EPB41L4B: variants seen among roughly 807,000 people sequenced by gnomAD.
The protein encoded by EPB41L4B is erythrocyte membrane protein band 4.1 like 4B.
EPB41L4B carries 30 observed loss-of-function variants against 112.5 expected under a neutral mutation model. The observed-to-expected ratio is 0.27, with a 90% CI of 0.20 to 0.36. The LOEUF is 0.36. Ranked by LOEUF, EPB41L4B falls within the 10% of genes least tolerant of loss-of-function variation. The pLI, the probability that EPB41L4B is intolerant of heterozygous loss-of-function variation, is 1.00. For synonymous variants in EPB41L4B, 408 were observed against 439.7 expected (o/e 0.93, Z 0.90); for missense variants, 1,024 against 1,133.3 (o/e 0.90, Z 1.38).
intron 1 of EPB41L4B, among the ~76,000 whole-genome samples, chr9:109,305,389 C>A (rs35947147): frequency 2.6e-5 from 4 of 151,924 alleles, no homozygotes; most frequent in African/African-American, 4.8e-5. Context: ...GAGGCCAAAG[C>A]GGGTGGATCA....
intron 1 of EPB41L4B, among the ~76,000 whole-genome samples, chr9:109,303,399 G>A (rs974894382): frequency 2.0e-5 from 3 of 152,112 alleles, no homozygotes; most frequent in African/African-American, 4.8e-5. Context: ...AGGCTGGGGT[G>A]CAGTGGCGCG....
At chr9:109,196,314 GA>G (rs1442697358) in intron 20 of EPB41L4B, 1 of 151,968 alleles carries the variant, frequency 6.6e-6, no homozygotes, top group Non-Finnish European at 1.5e-5. Flanking sequence ...GAGCACTATT[GA>G]ATTTTTTTTA....
chr9:109,265,236 G>A (rs1343409300), intron 4 of EPB41L4B, among the ~76,000 whole-genome samples: 1 of 152,198 alleles, frequency 6.6e-6, no homozygotes, highest in Non-Finnish European at 1.5e-5. Flanking sequence ...GAGTGCATGT[G>A]GGGAACTCGC....
intron 1 of EPB41L4B, among the ~76,000 whole-genome samples, chr9:109,286,201 A>G (rs1035013298): frequency 7.3e-5 from 11 of 151,012 alleles, no homozygotes; most frequent in African/African-American, 1.7e-4. Flanking sequence ...GGGTGGATGG[A>G]TGGATGGATG....
At chr9:109,317,716 G>A (rs1022454652) in intron 1 of EPB41L4B, among the ~76,000 whole-genome samples, 1 of 152,254 alleles carries the variant, frequency 6.6e-6, no homozygotes, top group African/African-American at 2.4e-5. Context: ...CTGGGTGCCT[G>A]AGAAGCCAGC....
At chr9:109,289,843 AT>A (rs1836459351) in intron 1 of EPB41L4B, among the ~76,000 whole-genome samples, 1 of 152,238 alleles carries the variant, frequency 6.6e-6, no homozygotes, top group African/African-American at 2.4e-5. Flanking sequence ...CAGGCTTTGC[AT>A]TTGTTCCAAC....
chr9:109,255,966 T>C (rs1834968322), intron 9 of EPB41L4B, 123 bp from the exon 10 acceptor site: 3 of 1,233,316 alleles, frequency 2.4e-6, no homozygotes, highest in Non-Finnish European at 3.4e-6. Context: ...TTCATCCAAG[T>C]GTGATTATCC....
chr9:109,218,766 G>T (rs938969411), intron 15 of EPB41L4B, among the ~76,000 whole-genome samples: 1 of 152,014 alleles, frequency 6.6e-6, no homozygotes, highest in African/African-American at 2.4e-5. Flanking sequence ...TCAACCCAGT[G>T]AAAATACCCC....
intron 4 of EPB41L4B, 150 bp from the exon 5 acceptor site, chr9:109,265,174 G>A (rs1167068067): frequency 3.2e-6 from 2 of 630,840 alleles, no homozygotes; most frequent in Non-Finnish European, 5.4e-6. Context: ...TTTGGTGGAA[G>A]CATCTCCTCT....
Position 109,182,748 on chromosome 9 carries a change from G to C in EPB41L4B, c.2468C>G (p.Thr823Ser). 2 of 1,612,600 alleles carry C rather than the reference G, an allele frequency of 1.2e-6. No individual in the cohort carries two copies. The highest frequency in any genetic ancestry group is 1.7e-6 in the Non-Finnish European group (2 of 1,178,580). The change falls in exon 24 of 26, where the codon ACC (threonine) becomes AGC (serine). Residue 823 changes from threonine to serine, a missense_variant. By Grantham distance (58) the Thr-to-Ser change is moderately conservative. Coordinates refer to ENST00000374566, the MANE Select transcript of EPB41L4B (RefSeq NM_019114.5). ...DTMNPFPDTF[T>S]TGPQFTADFR... Reference sequence around the variant, plus strand: ...ACTTACAGTAAACTGTGGCCCTGTGGTGAAAGTATCAGGAAACGGGTTCAT... The same window carrying C: ...ACTTACAGTAAACTGTGGCCCTGTGCTGAAAGTATCAGGAAACGGGTTCAT...
chr9:109,237,883 A>G (rs574706842), intron 15 of EPB41L4B, among the ~76,000 whole-genome samples: 17 of 152,114 alleles, frequency 1.1e-4, no homozygotes, highest in African/African-American at 3.9e-4. Flanking sequence ...GGTAATGCAG[A>G]TGGACAGGGG....
intron 1 of EPB41L4B, among the ~76,000 whole-genome samples, chr9:109,293,713 A>AC (rs990592693): frequency 1.3e-5 from 2 of 151,796 alleles, no homozygotes; most frequent in African/African-American, 4.8e-5. Flanking sequence ...AAAAAAAAAA[A>AC]AAAAAAACAT....
Position 109,194,448 on chromosome 9 carries a change from G to T in EPB41L4B, c.2046-51C>A, listed in dbSNP as rs375761202. On this transcript the variant is annotated intron_variant, in intron 20 of 25. Transcript: ENST00000374566. Reference sequence around the variant, plus strand: ...CTCTGCTCATTACAATAATAAACAGGCTGTGAGGAGTGGACGGAGGATGGG... The same window carrying T: ...CTCTGCTCATTACAATAATAAACAGTCTGTGAGGAGTGGACGGAGGATGGG... 34 of 1,579,756 alleles carry T rather than the reference G, an allele frequency of 2.2e-5. 1 individual carries two copies. The East Asian group carries it at 3.2e-4, about 15-fold the overall frequency.
rs187642597 is a variant in EPB41L4B at position 109,189,491 on chromosome 9, G to A, written c.2301+2787C>T. On this transcript the variant is annotated intron_variant, in intron 22 of 25. Transcript: ENST00000374566. ...ATTCTTTAATGATTTTTTGAGAGAT[G>A]CCTGTTCCAGATTGAAACTTTTTAT... 1.5e-3 allele frequency among the ~76,000 whole-genome samples: 225 copies of A among 152,322 alleles called. 1 individual carries two copies. Among genetic ancestry groups the A allele is most frequent in the African/African-American group, 5.1e-3 (213 of 41,570 alleles).
At chr9:109,279,786 T>A in intron 2 of EPB41L4B, 31 bp downstream of exon 2, 1 of 1,572,380 alleles carries the variant, frequency 6.4e-7, no homozygotes, top group African/African-American at 1.4e-5. Context: ...AAAGCCAATC[T>A]GTTCTGAAAT....
intron 20 of EPB41L4B, among the ~76,000 whole-genome samples, chr9:109,199,771 G>A (rs1832760631): frequency 1.3e-5 from 2 of 152,198 alleles, no homozygotes; most frequent in South Asian, 4.1e-4. Context: ...TGCTTTCTCT[G>A]ATGGAGAAGG....
rs935332804 is a variant in EPB41L4B, at chr9:109,320,339, C to G, written c.108G>C (p.Gly36=). Residue 36 remains glycine (G), a synonymous_variant, in exon 1 of 26, where the codon GGG becomes GGC. Transcript: ENST00000374566. The stretch of plus-strand genomic sequence containing the variant: ...CGGCGGCGGCCGGGCCCCCCCGTGG[C>G]CCCCCATCGCGCTCGTCCCCCAGCC... ...AAGLGDERDG[G]PRGGPAAAAS... 1.2e-5 allele frequency: 12 copies of G among 985,534 alleles called. No individual in the cohort carries two copies. The highest frequency in any genetic ancestry group is 1.4e-5 in the Non-Finnish European group (12 of 831,074). 61.0% of individuals were successfully genotyped at this position (985,534 alleles called of 1,614,324 possible).
At chr9:109,248,100 A>G (rs1461674651) in intron 13 of EPB41L4B, among the ~76,000 whole-genome samples, 2 of 152,216 alleles carry the variant, frequency 1.3e-5, no homozygotes, top group Non-Finnish European at 2.9e-5. Context: ...TGGGCAAACC[A>G]AGTAATTTTA....
At chr9:109,226,829 A>AAT (rs370938269) in intron 15 of EPB41L4B, among the ~76,000 whole-genome samples, 2,637 of 146,220 alleles carry the variant, frequency 0.018, 42 homozygotes, top group African/African-American at 0.038. Flanking sequence ...ATATATGAAG[A>AAT]ATATATATAT....
Sources: allele counts gnomAD v4.1 joint callset (sites outside exome capture counted in the v4.1 genomes callset), GRCh38; gene constraint gnomAD v4.1.1; transcripts MANE v1.5; gene names NCBI Gene and HGNC (gene_info 2026-07-23, HGNC 2026-07-21).